The following LYN variants were observed in gnomAD, a reference collection of about 807,000 sequenced individuals.
The protein encoded by LYN is LYN proto-oncogene, Src family tyrosine kinase, also known as tyrosine-protein kinase Lyn.
Under a neutral mutation model 65.0 loss-of-function variants are expected in LYN, and 12 were observed. The observed-to-expected ratio is 0.18, with a 90% CI of 0.12 to 0.30. The LOEUF (loss-of-function observed/expected upper bound fraction) is 0.30. LYN is among the 10% of genes least tolerant of loss of function. LYN has a pLI of 1.00. For missense variants in LYN, 380 were observed against 623.2 expected (o/e 0.61, Z 4.16); for synonymous variants, 222 against 221.2 (o/e 1.00, Z -0.03).
intron 1 of LYN, among the ~76,000 whole-genome samples, chr8:55,925,289 A>G (rs1806074889): frequency 4.0e-5 from 6 of 151,532 alleles, no homozygotes; most frequent in Admixed American, 3.9e-4. Flanking sequence ...TGCCTGGCTA[A>G]TTTTTAAATT....
intron 8 of LYN, among the ~76,000 whole-genome samples, chr8:55,960,487 C>T (rs991722673): frequency 6.6e-5 from 10 of 152,112 alleles, no homozygotes; most frequent in African/African-American, 2.4e-4. Context: ...CTTCTTCACT[C>T]CTGAAATAAT....
chr8:55,889,523 A>C (rs1804893040), intron 1 of LYN, among the ~76,000 whole-genome samples: 1 of 152,152 alleles, frequency 6.6e-6, no homozygotes, highest in Non-Finnish European at 1.5e-5. Flanking sequence ...ATATTTATCG[A>C]GTGCTGTATG....
intron 1 of LYN, among the ~76,000 whole-genome samples, chr8:55,908,989 GTATATATATATA>G (rs373570614): frequency 2.0e-4 from 4 of 20,390 alleles, no homozygotes; most frequent in Admixed American, 8.7e-4. Flanking sequence ...CATTGTGTAT[GTATATATATATA>G]TATATATATA....
intron 10 of LYN, among the ~76,000 whole-genome samples, chr8:55,988,831 T>C (rs921476528): frequency 1.3e-5 from 2 of 152,006 alleles, no homozygotes; most frequent in African/African-American, 4.8e-5. Context: ...CTTTGATCCC[T>C]TTTTTCCCTC....
chr8:55,958,553 T>C (rs891853862), intron 8 of LYN, among the ~76,000 whole-genome samples: 1 of 152,234 alleles, frequency 6.6e-6, no homozygotes. Flanking sequence ...TACACTGTTA[T>C]GCAACCAATC....
intron 1 of LYN, among the ~76,000 whole-genome samples, chr8:55,923,888 G>GA (rs543864525): frequency 4.8e-3 from 689 of 143,884 alleles, no homozygotes; most frequent in African/African-American, 0.013. Context: ...AGTGCCATTT[G>GA]AAAAAAAAAA....
At chr8:55,987,744 C>A (rs185589916) in intron 10 of LYN, among the ~76,000 whole-genome samples, 1,901 of 152,188 alleles carry the variant, frequency 0.012, 20 homozygotes, top group South Asian at 0.053. Context: ...AGGAAGGAGC[C>A]AATGTGGATG....
intron 8 of LYN, among the ~76,000 whole-genome samples, chr8:55,960,943 G>A (rs1807255427): frequency 6.6e-6 from 1 of 152,178 alleles, no homozygotes; most frequent in Non-Finnish European, 1.5e-5. Context: ...TGGGTGACAT[G>A]CTTCCTCTGT....
At chr8:55,941,763 A>G in intron 1 of LYN, 92 bp from the exon 2 acceptor site, 1 of 870,772 alleles carries the variant, frequency 1.1e-6, no homozygotes. Flanking sequence ...ATAAAAGTAT[A>G]TTTTTTCTAC....
chr8:56,004,997 C>T (rs988538930), intron 12 of LYN, among the ~76,000 whole-genome samples: 1 of 152,156 alleles, frequency 6.6e-6, no homozygotes, highest in Admixed American at 6.5e-5. Context: ...GTTGCCTAGG[C>T]TGGTTTCTAA....
At position 56,010,172 on chromosome 8, in the gene LYN, C is replaced by A; in HGVS notation, c.*62C>A. Reference sequence around the variant, plus strand: ...GCCTCATTTAGAGAGGAAAAGTAACCATCACTGGTTGCACTTATGATTTCA... The same window carrying A: ...GCCTCATTTAGAGAGGAAAAGTAACAATCACTGGTTGCACTTATGATTTCA... On this transcript the variant is annotated 3_prime_UTR_variant, in exon 13 of 13. Transcript: ENST00000519728. The A allele has an allele frequency of 6.5e-7, 1 of 1,527,170 alleles. No homozygotes were observed. Among genetic ancestry groups the A allele is most frequent in the Non-Finnish European group, 9.1e-7 (1 of 1,104,354 alleles). The allele number at this position is 1,527,170 out of a possible 1,614,324, so 94.6% of individuals were successfully genotyped here.
chr8:55,884,080 G>A (rs909916924), intron 1 of LYN, among the ~76,000 whole-genome samples: 1 of 152,156 alleles, frequency 6.6e-6, no homozygotes, highest in Non-Finnish European at 1.5e-5. Flanking sequence ...GACCTTTTGA[G>A]ATTTTTGTTG....
At chr8:56,001,440 G>A (rs964696245) in intron 12 of LYN, among the ~76,000 whole-genome samples, 3 of 152,136 alleles carry the variant, frequency 2.0e-5, no homozygotes, top group Non-Finnish European at 4.4e-5. Context: ...CACAGTCTGC[G>A]TGCTCCCATC....
intron 10 of LYN, among the ~76,000 whole-genome samples, chr8:55,971,072 C>T (rs1365382746): frequency 1.3e-5 from 2 of 152,198 alleles, no homozygotes; most frequent in Admixed American, 6.5e-5. Context: ...CTCAGGCATC[C>T]TCTCCACCTC....
At position 55,998,511 on chromosome 8, in the gene LYN, T is replaced by C; in HGVS notation, c.1204+12T>C. On this transcript the variant is annotated intron_variant, in intron 11 of 12. Coordinates refer to ENST00000519728, the MANE Select transcript of LYN (RefSeq NM_002350.4). Reference sequence around the variant, plus strand: ...CACAGCAAGGGAAGGTATGTTGCACTAATGATCTTTAGATGTTTTATTATT... The same window carrying C: ...CACAGCAAGGGAAGGTATGTTGCACCAATGATCTTTAGATGTTTTATTATT... 1 of 1,596,502 alleles carries C rather than the reference T, an allele frequency of 6.3e-7. No homozygotes were observed. Among genetic ancestry groups the C allele is most frequent in the Non-Finnish European group, 8.6e-7 (1 of 1,165,126 alleles).
chr8:55,956,571 G>A (rs1392636505), intron 8 of LYN, among the ~76,000 whole-genome samples: 1 of 152,096 alleles, frequency 6.6e-6, no homozygotes, highest in Non-Finnish European at 1.5e-5. Context: ...TACTCTGTGG[G>A]AAGTTTAAGA....
chr8:55,911,117 G>A (rs57309959), intron 1 of LYN, among the ~76,000 whole-genome samples: 3 of 5,476 alleles, frequency 5.5e-4, no homozygotes, highest in African/African-American at 1.0e-3. Flanking sequence ...GTATATATAC[G>A]TATATATATA....
chr8:55,929,040 T>A (rs925235444), intron 1 of LYN, among the ~76,000 whole-genome samples: 1 of 152,176 alleles, frequency 6.6e-6, no homozygotes, highest in African/African-American at 2.4e-5. Context: ...TACCACTTAT[T>A]GAAAAAAATA....
intron 9 of LYN, among the ~76,000 whole-genome samples, chr8:55,967,895 G>A (rs953779942): frequency 1.3e-5 from 2 of 152,112 alleles, no homozygotes; most frequent in Admixed American, 6.5e-5. Flanking sequence ...GTCCTCAGAA[G>A]TAATGAAGAA....
Sources: allele counts gnomAD v4.1 joint callset (sites outside exome capture counted in the v4.1 genomes callset), GRCh38; gene constraint gnomAD v4.1.1; transcripts MANE v1.5; gene names NCBI Gene and HGNC (gene_info 2026-07-23, HGNC 2026-07-21).